NCAM2: variants seen among roughly 807,000 people sequenced by gnomAD.
NCAM2 encodes the protein N-CAM-2.
Under a neutral mutation model 98.1 loss-of-function variants are expected in NCAM2, and 30 were observed. That is an observed-to-expected ratio of 0.31 (90% CI 0.23 to 0.41). NCAM2 has a LOEUF of 0.41. NCAM2 is among the 10% of genes least tolerant of loss of function. The pLI, the probability that NCAM2 is intolerant of heterozygous loss-of-function variation, is 1.00. For synonymous variants in NCAM2, 368 were observed against 342.4 expected (o/e 1.07, Z -0.83); for missense variants, 867 against 1,005.8 (o/e 0.86, Z 1.87).
At chr21:21,184,128 G>T (rs1183253249) in intron 1 of NCAM2, among the ~76,000 whole-genome samples, 6 of 151,846 alleles carry the variant, frequency 4.0e-5, no homozygotes. Context: ...TACTATTATT[G>T]TACAATTTTT....
intron 6 of NCAM2, among the ~76,000 whole-genome samples, chr21:21,334,770 T>C (rs1049483802): frequency 6.6e-6 from 1 of 152,074 alleles, no homozygotes; most frequent in African/African-American, 2.4e-5. Context: ...CTGTAGATTA[T>C]AGTAAAAAAT....
intron 11 of NCAM2, among the ~76,000 whole-genome samples, chr21:21,424,605 T>C (rs2077175977): frequency 6.6e-6 from 1 of 152,162 alleles, no homozygotes; most frequent in African/African-American, 2.4e-5. Flanking sequence ...ATAGGCACTA[T>C]GCTCTGAAAG....
chr21:21,520,619 T>A (rs1288543690), intron 16 of NCAM2, among the ~76,000 whole-genome samples: 1 of 152,166 alleles, frequency 6.6e-6, no homozygotes, highest in Non-Finnish European at 1.5e-5. Context: ...GTTGCCACTC[T>A]CTCCTAACAA....
rs183085646 is a variant in NCAM2, at chr21:21,196,900, G to A, written c.56-83678G>A. The stretch of plus-strand genomic sequence containing the variant: ...CGTCCCCTTCAGTGCTGTTCCTGTC[G>A]TACTGAGTGAGTTCTTGGGAGATCT... On this transcript the variant is annotated intron_variant, in intron 1 of 17. Coordinates refer to ENST00000400546, the MANE Select transcript of NCAM2 (RefSeq NM_004540.5). 7.2e-4 allele frequency among the ~76,000 whole-genome samples: 109 copies of A among 152,220 alleles called. 1 individual carries two copies. The highest frequency in any genetic ancestry group is 3.9e-3 in the Admixed American group (59 of 15,282).
Position 21,534,541 on chromosome 21 carries a change from G to A in NCAM2, c.2287G>A (p.Asp763Asn). The A allele has an allele frequency of 6.3e-7, 1 of 1,589,224 alleles. No homozygotes were observed. The highest frequency in any genetic ancestry group is 8.6e-7 in the Non-Finnish European group (1 of 1,166,288). The change falls in exon 17 of 18, where the codon GAT (aspartate) becomes AAT (asparagine). Residue 763 changes from aspartate to asparagine, a missense_variant. Coordinates refer to ENST00000400546, the MANE Select transcript of NCAM2 (RefSeq NM_004540.5). ...TGTTTCTCTTTATGTTTCTAGGAAA[G>A]ATGGATCAAAAGAACCAATAGTGGA... Reference protein sequence around the residue: ...LEEGKAAYLKDGSKEPIVEMR... With the variant: ...LEEGKAAYLKNGSKEPIVEMR...
chr21:21,235,495 T>G (rs1022076916), intron 1 of NCAM2, among the ~76,000 whole-genome samples: 1 of 152,078 alleles, frequency 6.6e-6, no homozygotes, highest in Non-Finnish European at 1.5e-5. Context: ...TTATATTTAA[T>G]TGATTAATTA....
At chr21:21,344,967 G>A (rs1003772087) in intron 8 of NCAM2, among the ~76,000 whole-genome samples, 2 of 152,156 alleles carry the variant, frequency 1.3e-5, no homozygotes, top group African/African-American at 2.4e-5. Context: ...TAAGGGAAGA[G>A]AACAAGAGTC....
intron 16 of NCAM2, among the ~76,000 whole-genome samples, chr21:21,528,777 C>T (rs1366307522): frequency 6.6e-6 from 1 of 152,008 alleles, no homozygotes; most frequent in Non-Finnish European, 1.5e-5. Context: ...CATTTATCAC[C>T]TGAAAGACTG....
At chr21:21,163,608 G>T (rs946500893) in intron 1 of NCAM2, among the ~76,000 whole-genome samples, 1 of 152,092 alleles carries the variant, frequency 6.6e-6, no homozygotes, top group Non-Finnish European at 1.5e-5. Flanking sequence ...TCTTTTAAGA[G>T]TAGTTTTCTG....
intron 14 of NCAM2, among the ~76,000 whole-genome samples, chr21:21,475,368 T>G (rs1985032746): frequency 6.6e-6 from 1 of 152,236 alleles, no homozygotes; most frequent in East Asian, 1.9e-4. Flanking sequence ...TCTGGGCTGG[T>G]TTGCAAACTA....
At chr21:21,356,590 T>C (rs1311778215) in intron 8 of NCAM2, among the ~76,000 whole-genome samples, 1 of 152,206 alleles carries the variant, frequency 6.6e-6, no homozygotes, top group Non-Finnish European at 1.5e-5. Context: ...TTTATGTAAC[T>C]AACATTTCCT....
chr21:21,321,867 A>C (rs572160655), intron 5 of NCAM2, among the ~76,000 whole-genome samples: 97 of 152,322 alleles, frequency 6.4e-4, no homozygotes, highest in African/African-American at 2.2e-3. Flanking sequence ...ACTGTTGATG[A>C]GAATGTAAAT....
intron 12 of NCAM2, among the ~76,000 whole-genome samples, chr21:21,444,625 G>C (rs1418985225): frequency 1.3e-5 from 2 of 152,154 alleles, no homozygotes; most frequent in South Asian, 2.1e-4. Context: ...TTTGCATAGA[G>C]GTGTTTATAG....
chr21:21,451,736 GAAAAATAAGAT>G (rs1050482703), intron 12 of NCAM2, among the ~76,000 whole-genome samples: 1 of 152,056 alleles, frequency 6.6e-6, no homozygotes, highest in Non-Finnish European at 1.5e-5. Context: ...GCTTGTCAAT[GAAAAATAAGAT>G]AAATTTCACA....
At chr21:21,189,575 TA>T (rs982367225) in intron 1 of NCAM2, among the ~76,000 whole-genome samples, 27 of 151,922 alleles carry the variant, frequency 1.8e-4, no homozygotes, top group African/African-American at 6.3e-4. Context: ...AAAAAATAAA[TA>T]AAAAAAATAA....
At chr21:21,471,783 T>G (rs1437427015) in intron 14 of NCAM2, among the ~76,000 whole-genome samples, 1 of 152,024 alleles carries the variant, frequency 6.6e-6, no homozygotes, top group Admixed American at 6.6e-5. Context: ...CCCTATAGAT[T>G]ATGAACCAGG....
chr21:21,401,050 G>C (rs1305229083), intron 9 of NCAM2, among the ~76,000 whole-genome samples: 1 of 152,078 alleles, frequency 6.6e-6, no homozygotes, highest in Non-Finnish European at 1.5e-5. Context: ...AGAAACTCAA[G>C]GTCACATCTT....
intron 5 of NCAM2, among the ~76,000 whole-genome samples, chr21:21,315,676 G>A (rs2074200170): frequency 2.0e-5 from 3 of 152,144 alleles, no homozygotes; most frequent in Admixed American, 2.0e-4. Flanking sequence ...TTCTAGAGCA[G>A]TGTTGATGAC....
At chr21:21,033,877 C>CA (rs1266211964) in intron 1 of NCAM2, among the ~76,000 whole-genome samples, 1 of 152,090 alleles carries the variant, frequency 6.6e-6, no homozygotes, top group African/African-American at 2.4e-5. Context: ...TCCCCATCTG[C>CA]AGGCCCTGTT....
Sources: gnomAD v4.1 joint callset for allele counts (sites outside exome capture counted in the v4.1 genomes callset) on GRCh38, gnomAD v4.1.1 for gene constraint, MANE v1.5 for transcripts, NCBI Gene and HGNC (gene_info 2026-07-23, HGNC 2026-07-21) for gene names.